The following CREM variants were observed in gnomAD, a reference collection of about 807,000 sequenced individuals.
CREM encodes cAMP responsive element modulator, also known as cAMP-responsive element modulator.
Under a neutral mutation model 37.3 loss-of-function variants are expected in CREM, and 13 were observed. The observed-to-expected ratio is 0.35, with a 90% CI of 0.23 to 0.55. The LOEUF (loss-of-function observed/expected upper bound fraction) is 0.55, where lower values mean the gene tolerates loss of function less well. Among genes scored for constraint, CREM ranks in the 20% least tolerant of loss-of-function variants. The pLI, the probability that CREM is intolerant of heterozygous loss-of-function variation, is 0.88. For missense variants in CREM, 296 were observed against 362.3 expected, an observed-to-expected ratio of 0.82 and a Z score of 1.49; for synonymous variants, 124 against 120.2, an observed-to-expected ratio of 1.03 and a Z score of -0.21.
intron 6 of CREM, among the ~76,000 whole-genome samples, chr10:35,198,788 G>A (rs2095295795): frequency 6.6e-6 from 1 of 152,194 alleles, no homozygotes. Flanking sequence ...ATGAGAATAA[G>A]GATATATATC....
At chr10:35,156,000 C>T (rs1236475093) in intron 3 of CREM, among the ~76,000 whole-genome samples, 16 of 145,788 alleles carry the variant, frequency 1.1e-4, no homozygotes, top group African/African-American at 2.8e-4. Flanking sequence ...AGTGCAGTGG[C>T]GCGATCTCGG....
chr10:35,140,369 G>A (rs2091255144), intron 2 of CREM, among the ~76,000 whole-genome samples: 1 of 152,126 alleles, frequency 6.6e-6, no homozygotes, highest in South Asian at 2.1e-4. Flanking sequence ...ACTGGCTGTG[G>A]AAGGAACCCT....
rs182580955 is a variant in CREM, at chr10:35,212,542, C to G, written c.*1144C>G. ...ATATCTGGAATGAGCCTGTTGGGAT[C>G]GCATTGCATACCTTCGGGGTACAAG... On this transcript the variant is annotated 3_prime_UTR_variant, in exon 8 of 8. Coordinates refer to ENST00000685392, the MANE Select transcript of CREM (RefSeq NM_183011.2). The G allele has an allele frequency of 7.2e-5, 11 of 152,836 alleles. No homozygotes were observed. In the South Asian group the frequency reaches 2.3e-3, roughly 32 times the overall value. 9.5% of individuals were successfully genotyped at this position (152,836 alleles called of 1,614,324 possible).
chr10:35,186,861 A>G (rs1255678610), intron 5 of CREM, among the ~76,000 whole-genome samples: 2 of 108,644 alleles, frequency 1.8e-5, no homozygotes, highest in Non-Finnish European at 3.4e-5. Context: ...TATGTTATAT[A>G]TAATTATATA....
At chr10:35,179,568 T>C in intron 5 of CREM, 1 of 335,692 alleles carries the variant, frequency 3.0e-6, no homozygotes, top group Non-Finnish European at 5.3e-6. Flanking sequence ...TAAAACATTG[T>C]TTTTGTTGTC....
intron 7 of CREM, among the ~76,000 whole-genome samples, chr10:35,208,856 C>T (rs1021698681): frequency 7.2e-5 from 11 of 152,226 alleles, no homozygotes; most frequent in African/African-American, 2.7e-4. Flanking sequence ...CTTTCTAAAT[C>T]TCAGTTTCAG....
In CREM at chr10:35,126,995, A is replaced by T. The variant is rs984161698; in HGVS notation, c.-253A>T. The T allele has an allele frequency of 2.0e-5, 3 of 152,448 alleles. No individual in the cohort carries two copies. Among genetic ancestry groups the T allele is most frequent in the Non-Finnish European group, 4.4e-5 (3 of 68,270 alleles). 9.4% of individuals were successfully genotyped at this position (152,448 alleles called of 1,614,324 possible). On this transcript the variant is annotated 5_prime_UTR_variant, in exon 1 of 8. Coordinates refer to ENST00000685392, the MANE Select transcript of CREM (RefSeq NM_183011.2). ...GGGAGGACGCGGTTCGGTCGGCTGC[A>T]GCGCTACTTTTGGTCCGGGGTCGGC...
intron 6 of CREM, chr10:35,196,197 T>C (rs560883853): frequency 1.1e-4 from 134 of 1,206,010 alleles, no homozygotes; most frequent in Non-Finnish European, 1.5e-4. Context: ...TCTTACTCCA[T>C]CCTCTTACTC....
intron 7 of CREM, among the ~76,000 whole-genome samples, chr10:35,208,541 T>C (rs928285278): frequency 6.6e-6 from 1 of 152,216 alleles, no homozygotes; most frequent in African/African-American, 2.4e-5. Flanking sequence ...TCAAATAATG[T>C]CCTCATTGTG....
chr10:35,188,397 T>C lies in CREM; in HGVS notation c.598+9T>C. The C allele has an allele frequency of 6.2e-7, 1 of 1,605,468 alleles. No homozygotes were observed. The highest frequency in any genetic ancestry group is 1.1e-5 in the South Asian group (1 of 89,624). On this transcript the variant is annotated intron_variant, in intron 6 of 7. Transcript: ENST00000685392. ...CCAGGTTGTTGTTCAAGGTATATTT[T>C]ATTAATCTAATACATTTAGAATACC...
At chr10:35,134,193 C>G (rs2090025166) in intron 1 of CREM, among the ~76,000 whole-genome samples, 1 of 151,544 alleles carries the variant, frequency 6.6e-6, no homozygotes, top group Non-Finnish European at 1.5e-5. Context: ...ATTATAGGTG[C>G]ACATCACCAT....
At chr10:35,200,238 A>G (rs1449770042) in intron 6 of CREM, among the ~76,000 whole-genome samples, 3 of 152,176 alleles carry the variant, frequency 2.0e-5, no homozygotes, top group African/African-American at 4.8e-5. Flanking sequence ...ACAGTAGAGC[A>G]TATATTTGCT....
intron 6 of CREM, among the ~76,000 whole-genome samples, chr10:35,202,676 T>C (rs551269361): frequency 1.3e-5 from 2 of 152,228 alleles, no homozygotes; most frequent in Non-Finnish European, 2.9e-5. Context: ...ATTATAGAAA[T>C]TTATACAAAT....
chr10:35,196,023 G>A (rs753596192), intron 6 of CREM: 3 of 1,611,072 alleles, frequency 1.9e-6, no homozygotes, highest in Non-Finnish European at 2.5e-6. Context: ...TGAAGTGGTT[G>A]TCTGCTTGAA....
chr10:35,200,996 G>GT (rs34842917), intron 6 of CREM, among the ~76,000 whole-genome samples: 20,355 of 149,444 alleles, frequency 0.14, 1,548 homozygotes, highest in South Asian at 0.2. Context: ...TCACTTGTGG[G>GT]TTTTTTTTTC....
Position 35,211,418 on chromosome 10 carries a change from T to A in CREM, c.*20T>A, listed in dbSNP as rs1451190829. The A allele has an allele frequency of 3.7e-6, 6 of 1,608,728 alleles. No homozygotes were observed. On this transcript the variant is annotated 3_prime_UTR_variant, in exon 8 of 8. Coordinates refer to ENST00000685392, the MANE Select transcript of CREM (RefSeq NM_183011.2). Reference sequence around the variant, plus strand: ...GAGTAACTGTCTTTGACTTGGACCTTGTTTACTCTAATCAAGGCAGGAGAT... The same window carrying A: ...GAGTAACTGTCTTTGACTTGGACCTAGTTTACTCTAATCAAGGCAGGAGAT...
rs1476120528 is a variant in CREM, at chr10:35,144,922, G to T, written c.45-3446G>T. Among the ~76,000 whole-genome samples, 3 of 151,844 alleles carry T rather than the reference G, an allele frequency of 2.0e-5. No individual in the cohort carries two copies. The East Asian group carries it at 5.8e-4, about 29-fold the overall frequency. On this transcript the variant is annotated intron_variant, in intron 2 of 7. Coordinates refer to ENST00000685392, the MANE Select transcript of CREM (RefSeq NM_183011.2). Reference sequence around the variant, plus strand: ...TGCCTGTAATCCTAGCACTTTGGGAGACTGAAGCGGGCTGATCACTTGAGG... The same window carrying T: ...TGCCTGTAATCCTAGCACTTTGGGATACTGAAGCGGGCTGATCACTTGAGG...
At chr10:35,166,079 T>C (rs2132453126) in intron 3 of CREM, among the ~76,000 whole-genome samples, 1 of 152,138 alleles carries the variant, frequency 6.6e-6, no homozygotes, top group South Asian at 2.1e-4. Flanking sequence ...GCTTATGCGC[T>C]ATACATAAAA....
In CREM at chr10:35,211,848, G is replaced by A. The variant is rs371726841; in HGVS notation, c.*450G>A. ...GAAGGCAGCATGTATAGTTGCTTTT[G>A]AAGGAATACAATATATAGCTGGCAA... is the stretch of plus-strand genomic sequence containing the variant. On this transcript the variant is annotated 3_prime_UTR_variant, in exon 8 of 8. Transcript: ENST00000685392. The A allele has an allele frequency of 1.1e-4, 164 of 1,540,450 alleles. No individual in the cohort carries two copies. The highest frequency in any genetic ancestry group is 1.4e-4 in the Non-Finnish European group (161 of 1,143,786).
Sources: gnomAD v4.1 joint callset for allele counts (sites outside exome capture counted in the v4.1 genomes callset) on GRCh38, gnomAD v4.1.1 for gene constraint, MANE v1.5 for transcripts, NCBI Gene and HGNC (gene_info 2026-07-23, HGNC 2026-07-21) for gene names.